The following CLTC variants were observed in gnomAD, a reference collection of about 807,000 sequenced individuals.
CLTC encodes clathrin heavy chain 1.
In CLTC, 16 loss-of-function variants were observed where a neutral mutation model predicts 195.8. The observed-to-expected ratio is 0.08, with a 90% CI of 0.06 to 0.12. CLTC has a LOEUF of 0.12. CLTC is among the 10% of genes least tolerant of loss of function. The pLI is 1.00. For synonymous variants in CLTC, 667 were observed against 689.4 expected (o/e 0.97, Z 0.51); for missense variants, 796 against 2,027.0 (o/e 0.39, Z 11.66).
At chr17:59,637,799 C>T (rs1348287088) in intron 1 of CLTC, among the ~76,000 whole-genome samples, 1 of 151,654 alleles carries the variant, frequency 6.6e-6, no homozygotes, top group African/African-American at 2.4e-5. Context: ...AATTCACACC[C>T]AGAGTTTCAG....
chr17:59,662,531 C>G (rs1353820760), intron 8 of CLTC, among the ~76,000 whole-genome samples: 1 of 152,130 alleles, frequency 6.6e-6, no homozygotes, highest in Non-Finnish European at 1.5e-5. Context: ...TTGCCATTGT[C>G]AAGAACTGAA....
intron 13 of CLTC, 139 bp downstream of exon 13, chr17:59,667,116 A>T (rs2032749244): frequency 6.6e-6 from 4 of 605,252 alleles, no homozygotes; most frequent in Non-Finnish European, 1.1e-5. Flanking sequence ...AGTTTTATTC[A>T]ATATATGTCA....
chr17:59,677,603 G>C lies in CLTC; in HGVS notation c.2796+415G>C, dbSNP rs146168515. ...ACATGAAAGATACCAGCTTCAGTCA[G>C]TTTGACATTGATAGGATACCTTTAA... On this transcript the variant is annotated intron_variant, in intron 17 of 31. Coordinates refer to ENST00000269122, the MANE Select transcript of CLTC (RefSeq NM_004859.4). Among the ~76,000 whole-genome samples, 1,389 of 152,242 alleles carry C rather than the reference G, an allele frequency of 9.1e-3. 17 individuals carry two copies. The highest frequency in any genetic ancestry group is 0.03 in the African/African-American group (1,259 of 41,540).
rs182967183 is a variant in CLTC at position 59,633,512 on chromosome 17, C to T, written c.43-10764C>T. On this transcript the variant is annotated intron_variant, in intron 1 of 31. Transcript: ENST00000269122. ...CATCTCAAAAAAAGAAAAAAAAATA[C>T]TCTAGTGACTCAATTGTAAAATAAA... 1.7e-3 allele frequency among the ~76,000 whole-genome samples: 251 copies of T among 152,086 alleles called. 1 individual carries two copies. Among genetic ancestry groups the T allele is most frequent in the Non-Finnish European group, 2.5e-3 (168 of 67,932 alleles).
At chr17:59,667,169 A>C in intron 13 of CLTC, 192 bp downstream of exon 13, 1 of 411,366 alleles carries the variant, frequency 2.4e-6, no homozygotes, top group Non-Finnish European at 4.3e-6. Flanking sequence ...AGTGAACCAG[A>C]CCATCTGTTT....
intron 1 of CLTC, among the ~76,000 whole-genome samples, chr17:59,627,014 T>A (rs1160318184): frequency 6.6e-6 from 1 of 152,106 alleles, no homozygotes; most frequent in African/African-American, 2.4e-5. Flanking sequence ...TCCTCCCACC[T>A]CTGCTCCCTA....
chr17:59,687,982 TTGGGATTA>T (rs1458019335), intron 30 of CLTC, among the ~76,000 whole-genome samples: 23 of 152,148 alleles, frequency 1.5e-4, no homozygotes, highest in African/African-American at 4.8e-4. Flanking sequence ...GGACAATGCC[TTGGGATTA>T]TGTTGAACCA....
At chr17:59,629,032 G>C (rs921593268) in intron 1 of CLTC, among the ~76,000 whole-genome samples, 3 of 152,164 alleles carry the variant, frequency 2.0e-5, no homozygotes, top group African/African-American at 7.2e-5. Flanking sequence ...AAAGTGGACA[G>C]ACTGAAGCTA....
Position 59,671,201 on chromosome 17 carries a change from G to C in CLTC, c.2292+2261G>C, listed in dbSNP as rs528669694. The C allele has an allele frequency of 6.6e-5, 10 of 152,250 alleles. No individual in the cohort carries two copies. The East Asian group carries it at 1.9e-3, about 29-fold the overall frequency. The allele number at this position is 152,250 out of a possible 1,614,324, so 9.4% of individuals were successfully genotyped here. On this transcript the variant is annotated intron_variant, in intron 14 of 31. Transcript: ENST00000269122. ...TTTGAAGGAATTTACTTCCAGCCAG[G>C]ATTAGAGGTGAATTTAGGGTCTTAC... is the stretch of plus-strand genomic sequence containing the variant.
In CLTC at chr17:59,644,421, G is replaced by A. The variant is rs1481692558; in HGVS notation, c.188G>A (p.Arg63Gln). 2 of 1,614,102 alleles carry A rather than the reference G, an allele frequency of 1.2e-6. No individual in the cohort carries two copies. The highest frequency in any genetic ancestry group is 1.7e-6 in the Non-Finnish European group (2 of 1,180,018). The stretch of plus-strand genomic sequence containing the variant: ...ATGAATGACCCAAGTAATCCAATTC[G>A]AAGACCAATTTCAGCAGACAGCGCC... ...IDMNDPSNPI[R>Q]RPISADSAIM... The change falls in exon 2 of 32, where the codon CGA (arginine) becomes CAA (glutamine). Residue 63 changes from arginine (R) to glutamine (Q), a missense_variant. Around this residue, in one of 9 missense-constraint regions of CLTC, gnomAD observed 293 missense variants for 795.6 expected, o/e 0.37. Coordinates refer to ENST00000269122, the MANE Select transcript of CLTC (RefSeq NM_004859.4).
Position 59,683,030 on chromosome 17 carries a change from T to C in CLTC, c.3873+16T>C, listed in dbSNP as rs1375487562. 3 of 1,613,764 alleles carry C rather than the reference T, an allele frequency of 1.9e-6. No individual in the cohort carries two copies. Among genetic ancestry groups the C allele is most frequent in the Non-Finnish European group, 2.5e-6 (3 of 1,179,696 alleles). ...CTACTATCAGGTATTAACGAGACTT[T>C]TATATGACCTGAGATCTTTTACCAT... On this transcript the variant is annotated intron_variant, in intron 24 of 31. Coordinates refer to ENST00000269122, the MANE Select transcript of CLTC (RefSeq NM_004859.4). This position sits in a 1 kb window ranked among gnomAD's most constrained non-coding sequence, Gnocchi z 6.1.
chr17:59,643,100 A>AT (rs944050215), intron 1 of CLTC, among the ~76,000 whole-genome samples: 57 of 126,572 alleles, frequency 4.5e-4, no homozygotes, highest in East Asian at 1.9e-3. Flanking sequence ...GAAAGACTTG[A>AT]TTTTTTTTTT....
intron 28 of CLTC, chr17:59,684,324 G>T: frequency 4.9e-6 from 1 of 205,690 alleles, no homozygotes; most frequent in Non-Finnish European, 9.8e-6. Flanking sequence ...CATTTTTCTT[G>T]CCTACTGTTT....
At chr17:59,670,122 C>G (rs2143564309) in intron 14 of CLTC, among the ~76,000 whole-genome samples, 1 of 152,226 alleles carries the variant, frequency 6.6e-6, no homozygotes, top group East Asian at 1.9e-4. Context: ...TGTCAAAAAA[C>G]CCCTCCAAAT....
chr17:59,657,009 T>C (rs1297866661), intron 6 of CLTC, among the ~76,000 whole-genome samples: 1 of 152,196 alleles, frequency 6.6e-6, no homozygotes, highest in East Asian at 1.9e-4. Context: ...CCAGGAGCTA[T>C]GTTAATTTTC....
intron 14 of CLTC, among the ~76,000 whole-genome samples, chr17:59,669,473 TAGAG>T (rs1418386291): frequency 1.3e-5 from 2 of 152,134 alleles, no homozygotes; most frequent in African/African-American, 4.8e-5. Flanking sequence ...TTAAATCAGT[TAGAG>T]AGGAGTAAGG....
chr17:59,631,562 T>TA (rs1186025117), intron 1 of CLTC, among the ~76,000 whole-genome samples: 2 of 152,198 alleles, frequency 1.3e-5, no homozygotes, highest in Non-Finnish European at 2.9e-5. Flanking sequence ...TGGGATGTAA[T>TA]AACAGAAAAC....
intron 1 of CLTC, among the ~76,000 whole-genome samples, chr17:59,624,046 T>A (rs1430446250): frequency 1.3e-5 from 2 of 152,226 alleles, no homozygotes; most frequent in Non-Finnish European, 2.9e-5. Context: ...TTTAACTGAA[T>A]ACTGTCTGTC....
At chr17:59,639,361 C>CA (rs1224470283) in intron 1 of CLTC, among the ~76,000 whole-genome samples, 9 of 151,886 alleles carry the variant, frequency 5.9e-5, no homozygotes, top group Admixed American at 3.9e-4. Flanking sequence ...GATAACTATT[C>CA]AAAAAAACAA....
Sources: gnomAD v4.1 joint callset for allele counts (sites outside exome capture counted in the v4.1 genomes callset) on GRCh38, gnomAD v4.1.1 for gene constraint, gnomAD v4.1.1 regional missense constraint, Gnocchi (gnomAD v3.1) non-coding constraint, MANE v1.5 for transcripts, NCBI Gene and HGNC (gene_info 2026-07-23, HGNC 2026-07-21) for gene names.